NT5C2: variants seen among roughly 807,000 people sequenced by gnomAD.
The protein encoded by NT5C2 is 5'-nucleotidase, cytosolic II.
NT5C2 carries 58 observed loss-of-function variants against 76.1 expected under a neutral mutation model. The observed-to-expected ratio is 0.76, with a 90% CI of 0.62 to 0.95. NT5C2 has a LOEUF of 0.95. Ranked by LOEUF, NT5C2 falls within the 40% of genes least tolerant of loss-of-function variation. The pLI is 0.00. For missense variants in NT5C2, 478 were observed against 690.3 expected (o/e 0.69, Z 3.45); for synonymous variants, 229 against 237.4 (o/e 0.96, Z 0.32).
chr10:103,181,160 A>G (rs922863824), intron 2 of NT5C2, 25 bp downstream of exon 2: 3 of 151,986 alleles, frequency 2.0e-5, no homozygotes, highest in African/African-American at 7.3e-5. Context: ...AATTTATTAT[A>G]TACTCTGTGC....
intron 10 of NT5C2, chr10:103,098,120 G>A (rs1188920131): frequency 1.9e-6 from 1 of 520,866 alleles, no homozygotes; most frequent in African/African-American, 2.0e-5. Flanking sequence ...TGTCATCTTG[G>A]GGCACTATGT....
chr10:103,091,697 G>A, intron 15 of NT5C2, 82 bp from the exon 16 acceptor site: 1 of 1,174,538 alleles, frequency 8.5e-7, no homozygotes, highest in Non-Finnish European at 1.3e-6. Flanking sequence ...CTAAAAGGTT[G>A]CAGATGTGAC....
intron 2 of NT5C2, among the ~76,000 whole-genome samples, chr10:103,175,345 T>G (rs2089570754): frequency 6.6e-6 from 1 of 152,166 alleles, no homozygotes; most frequent in Admixed American, 6.5e-5. Context: ...ATGTGTGTAG[T>G]AGGCAAATTT....
intron 1 of NT5C2, among the ~76,000 whole-genome samples, chr10:103,183,912 T>A (rs1222315555): frequency 6.6e-6 from 1 of 152,044 alleles, no homozygotes; most frequent in Non-Finnish European, 1.5e-5. Flanking sequence ...TTTCATTACC[T>A]CTCATCTTTT....
intron 10 of NT5C2, chr10:103,098,029 G>T (rs1341371444): frequency 3.8e-6 from 2 of 527,944 alleles, no homozygotes; most frequent in Admixed American, 2.0e-5. Flanking sequence ...CACAAAAACT[G>T]AAAACAAGAA....
At chr10:103,128,177 C>T (rs890685874) in intron 4 of NT5C2, among the ~76,000 whole-genome samples, 1 of 149,414 alleles carries the variant, frequency 6.7e-6, no homozygotes, top group Admixed American at 6.6e-5. Flanking sequence ...ACCTCCCTGC[C>T]TGATTCTCCT....
At chr10:103,102,517 A>T (rs1165312704) in intron 6 of NT5C2, among the ~76,000 whole-genome samples, 4 of 151,132 alleles carry the variant, frequency 2.6e-5, no homozygotes, top group African/African-American at 9.7e-5. Flanking sequence ...GACTCTCAGA[A>T]TTTTTTCTTT....
chr10:103,167,903 G>A (rs149218337), intron 3 of NT5C2, among the ~76,000 whole-genome samples: 4 of 152,112 alleles, frequency 2.6e-5, no homozygotes, highest in Non-Finnish European at 5.9e-5. Flanking sequence ...CAAAGTGCTA[G>A]GATCACAGGC....
intron 6 of NT5C2, among the ~76,000 whole-genome samples, chr10:103,102,769 T>C (rs1462702028): frequency 6.6e-6 from 1 of 151,970 alleles, no homozygotes; most frequent in Non-Finnish European, 1.5e-5. Flanking sequence ...AGAAGTGATG[T>C]GAGAGTAGTT....
chr10:103,178,939 CTTTTTTCT>C (rs1476382322), intron 2 of NT5C2, among the ~76,000 whole-genome samples: 13 of 117,160 alleles, frequency 1.1e-4, no homozygotes, highest in African/African-American at 2.2e-4. Flanking sequence ...TCTACGTTTT[CTTTTTTCT>C]TTTTTTCTTT....
chr10:103,092,713 G>A (rs980651820), intron 15 of NT5C2, among the ~76,000 whole-genome samples: 3 of 152,184 alleles, frequency 2.0e-5, no homozygotes, highest in Non-Finnish European at 2.9e-5. Context: ...TCTCAGAAGA[G>A]TAAATAAAAA....
intron 1 of NT5C2, among the ~76,000 whole-genome samples, chr10:103,192,694 T>C (rs1461325827): frequency 6.6e-6 from 1 of 151,940 alleles, no homozygotes; most frequent in Non-Finnish European, 1.5e-5. Context: ...GCTGTCAACC[T>C]GGCGCTCCAC....
chr10:103,101,065 A>G lies in NT5C2; in HGVS notation c.519T>C (p.Thr173=). 6.4e-7 allele frequency: 1 copy of G among 1,572,304 alleles called. No individual in the cohort carries two copies. The highest frequency in any genetic ancestry group is 1.1e-5 in the South Asian group (1 of 90,222). Residue 173 remains threonine, a synonymous_variant, in exon 8 of 19, where the codon ACT becomes ACC. Transcript: ENST00000404739. The part of the protein sequence containing the change: ...YLLACLVDFF[T]NCPRYTSCET... ...CATACCTGGTATATCTGGGACAATT[A>G]GTAAAAAAATCTACTAGGCAGGCCA...
intron 4 of NT5C2, among the ~76,000 whole-genome samples, chr10:103,113,717 A>G (rs1463203212): frequency 6.6e-6 from 1 of 152,210 alleles, no homozygotes; most frequent in African/African-American, 2.4e-5. Flanking sequence ...TAGGAGATCA[A>G]TAACTAAGAC....
At chr10:103,188,925 T>C (rs1037403100) in intron 1 of NT5C2, among the ~76,000 whole-genome samples, 1 of 151,932 alleles carries the variant, frequency 6.6e-6, no homozygotes, top group African/African-American at 2.4e-5. Flanking sequence ...GGCAGGAGAA[T>C]TGCTTGAACC....
intron 4 of NT5C2, among the ~76,000 whole-genome samples, chr10:103,123,855 GAA>G (rs201368291): frequency 1.0e-4 from 15 of 149,782 alleles, no homozygotes; most frequent in African/African-American, 3.4e-4. Flanking sequence ...ATTGGGGGGG[GAA>G]AAAAAAAGTC....
intron 3 of NT5C2, among the ~76,000 whole-genome samples, chr10:103,167,629 CCTT>C (rs1352091918): frequency 1.3e-5 from 2 of 151,964 alleles, no homozygotes; most frequent in African/African-American, 4.8e-5. Flanking sequence ...AAAGATTTCC[CCTT>C]TTTTTGTTTT....
chr10:103,127,159 G>A (rs2076821917), intron 4 of NT5C2, among the ~76,000 whole-genome samples: 1 of 152,142 alleles, frequency 6.6e-6, no homozygotes, highest in Admixed American at 6.5e-5. Flanking sequence ...CATAATTAAT[G>A]TACATAATCT....
intron 18 of NT5C2, 92 bp downstream of exon 18, chr10:103,090,519 T>C (rs948876463): frequency 5.8e-5 from 67 of 1,163,830 alleles, no homozygotes; most frequent in Non-Finnish European, 7.6e-5. Flanking sequence ...CAGAAAGAAA[T>C]GTTCAAACTA....
Sources: gnomAD v4.1 joint callset for allele counts (sites outside exome capture counted in the v4.1 genomes callset) on GRCh38, gnomAD v4.1.1 for gene constraint, MANE v1.5 for transcripts, NCBI Gene and HGNC (gene_info 2026-07-23, HGNC 2026-07-21) for gene names.